ZFPM2: variants seen among roughly 807,000 people sequenced by gnomAD.
ZFPM2 encodes zinc finger protein, FOG family member 2, also known as zinc finger protein ZFPM2.
In ZFPM2, 20 loss-of-function variants were observed where a neutral mutation model predicts 98.6. The ratio of observed to expected loss-of-function variants is 0.20; its 90% CI spans 0.14 to 0.29. The LOEUF is 0.29. Ranked by LOEUF, ZFPM2 falls within the 10% of genes least tolerant of loss-of-function variation. The pLI is 1.00. For synonymous variants in ZFPM2, 518 were observed against 502.7 expected, an observed-to-expected ratio of 1.03 and a Z score of -0.41; for missense variants, 1,310 against 1,388.6, an observed-to-expected ratio of 0.94 and a Z score of 0.90.
chr8:105,454,549 G>A (rs1438565740), intron 3 of ZFPM2, among the ~76,000 whole-genome samples: 1 of 152,176 alleles, frequency 6.6e-6, no homozygotes, highest in African/African-American at 2.4e-5. Flanking sequence ...CGTGTATCAG[G>A]TGATTTAGGT....
At chr8:105,337,409 A>G (rs1812349035) in intron 1 of ZFPM2, among the ~76,000 whole-genome samples, 1 of 151,844 alleles carries the variant, frequency 6.6e-6, no homozygotes, top group Non-Finnish European at 1.5e-5. Context: ...ACCCTCTTAA[A>G]GAAACATTTT....
At chr8:105,396,973 TG>T (rs1428480084) in intron 1 of ZFPM2, among the ~76,000 whole-genome samples, 5 of 152,214 alleles carry the variant, frequency 3.3e-5, no homozygotes, top group Non-Finnish European at 5.9e-5. Flanking sequence ...TACATGTAAA[TG>T]TTGGTGTTAA....
chr8:105,789,978 G>C (rs1323815158), intron 6 of ZFPM2, among the ~76,000 whole-genome samples: 1 of 151,800 alleles, frequency 6.6e-6, no homozygotes, highest in Admixed American at 6.6e-5. Flanking sequence ...GTAGATTCTG[G>C]ATATTAGCCC....
chr8:105,679,170 A>G (rs1285292158), intron 5 of ZFPM2: 1 of 152,202 alleles, frequency 6.6e-6, no homozygotes, highest in South Asian at 2.1e-4. Context: ...AATTTTAATT[A>G]TTGCCATCAT....
intron 2 of ZFPM2, among the ~76,000 whole-genome samples, chr8:105,443,613 A>AT (rs1312110675): frequency 4.7e-4 from 71 of 152,256 alleles, no homozygotes; most frequent in Non-Finnish European, 8.8e-5. Context: ...CCATAACTAT[A>AT]TTTTTGCTCA....
intron 5 of ZFPM2, among the ~76,000 whole-genome samples, chr8:105,656,895 A>G (rs577904251): frequency 2.0e-5 from 3 of 152,154 alleles, no homozygotes; most frequent in Non-Finnish European, 4.4e-5. Flanking sequence ...GAACAAAGAG[A>G]GTTTGGGAAT....
At chr8:105,405,395 G>A (rs1466879131) in intron 1 of ZFPM2, among the ~76,000 whole-genome samples, 4 of 151,146 alleles carry the variant, frequency 2.6e-5, no homozygotes, top group African/African-American at 7.3e-5. Context: ...TCGTCATTTA[G>A]CATTAGATGT....
intron 4 of ZFPM2, among the ~76,000 whole-genome samples, chr8:105,570,893 TTA>T (rs1815340192): frequency 6.6e-6 from 1 of 152,218 alleles, no homozygotes. Flanking sequence ...GTTTGAACTT[TTA>T]AAAAGAATTA....
chr8:105,752,324 C>A (rs1321485118), intron 5 of ZFPM2, among the ~76,000 whole-genome samples: 6 of 152,082 alleles, frequency 3.9e-5, no homozygotes, highest in Non-Finnish European at 7.4e-5. Context: ...CTTCTGTGTT[C>A]CGTCGTCAAG....
intron 3 of ZFPM2, among the ~76,000 whole-genome samples, chr8:105,449,862 C>A (rs1812450430): frequency 6.6e-6 from 1 of 152,064 alleles, no homozygotes; most frequent in South Asian, 2.1e-4. Context: ...ATCATTTCAG[C>A]AATTGTACCT....
chr8:105,648,535 A>G (rs1671556462), intron 5 of ZFPM2, among the ~76,000 whole-genome samples: 1 of 152,162 alleles, frequency 6.6e-6, no homozygotes, highest in South Asian at 2.1e-4. Flanking sequence ...TCTTTAATCC[A>G]TCTTGAATTA....
chr8:105,320,286 G>A (rs974225122), intron 1 of ZFPM2, among the ~76,000 whole-genome samples: 1 of 151,790 alleles, frequency 6.6e-6, no homozygotes, highest in African/African-American at 2.4e-5. Context: ...GTGTGTGTGT[G>A]TGTGTGTGTG....
intron 4 of ZFPM2, among the ~76,000 whole-genome samples, chr8:105,607,395 A>G (rs867205201): frequency 1.3e-5 from 2 of 152,082 alleles, no homozygotes; most frequent in African/African-American, 2.4e-5. Context: ...AGAAGAAGGG[A>G]ACAGAGGAGG....
intron 5 of ZFPM2, among the ~76,000 whole-genome samples, chr8:105,690,160 C>T (rs1023091519): frequency 3.3e-5 from 5 of 152,212 alleles, no homozygotes; most frequent in Non-Finnish European, 5.9e-5. Flanking sequence ...ACCGTCTTCA[C>T]TTTGATGTTT....
intron 5 of ZFPM2, among the ~76,000 whole-genome samples, chr8:105,675,296 G>A (rs1365940505): frequency 1.3e-5 from 2 of 152,126 alleles, no homozygotes; most frequent in African/African-American, 4.8e-5. Context: ...GTGCACCCAA[G>A]CCATTAGGAA....
At position 105,696,582 on chromosome 8, in the gene ZFPM2, G is replaced by A. The variant is rs111390314; in HGVS notation, c.532+62225G>A. The stretch of plus-strand genomic sequence containing the variant: ...ATTTACGAGATAATATTTTTTCACC[G>A]AGGATATGCGTAAAGAAACAATAGC... On this transcript the variant is annotated intron_variant, in intron 5 of 7. Coordinates refer to ENST00000407775, the MANE Select transcript of ZFPM2 (RefSeq NM_012082.4). 9.0e-3 allele frequency among the ~76,000 whole-genome samples: 1,362 copies of A among 152,054 alleles called. 25 individuals are homozygous for A. Among genetic ancestry groups the A allele is most frequent in the African/African-American group, 0.031 (1,292 of 41,470 alleles).
At chr8:105,477,569 T>A (rs1479517351) in intron 3 of ZFPM2, among the ~76,000 whole-genome samples, 1 of 152,142 alleles carries the variant, frequency 6.6e-6, no homozygotes, top group African/African-American at 2.4e-5. Flanking sequence ...GGCAGGTATT[T>A]TAAAGCTATC....
chr8:105,409,330 C>A (rs1811529452), intron 1 of ZFPM2, among the ~76,000 whole-genome samples: 1 of 151,888 alleles, frequency 6.6e-6, no homozygotes, highest in African/African-American at 2.4e-5. Context: ...CAATTGTTTG[C>A]ATTATCCAGG....
intron 5 of ZFPM2, among the ~76,000 whole-genome samples, chr8:105,673,187 C>CTTTTTTTTTT (rs5893754): frequency 5.7e-5 from 5 of 87,526 alleles, no homozygotes; most frequent in Middle Eastern, 0.012. Flanking sequence ...AAATAGCATG[C>CTTTTTTTTTT]TTTTTTTTTT....
Sources: allele counts gnomAD v4.1 joint callset (sites outside exome capture counted in the v4.1 genomes callset), GRCh38; gene constraint gnomAD v4.1.1; transcripts MANE v1.5; gene names NCBI Gene and HGNC (gene_info 2026-07-23, HGNC 2026-07-21).